The following SLC4A4 variants were observed in gnomAD, a reference collection of about 807,000 sequenced individuals.
SLC4A4 encodes the protein electrogenic sodium bicarbonate cotransporter 1.
In SLC4A4, 27 loss-of-function variants were observed where a neutral mutation model predicts 111.5. That is an observed-to-expected ratio of 0.24 (90% CI 0.18 to 0.33). The LOEUF (loss-of-function observed/expected upper bound fraction) is 0.33, where lower values mean the gene tolerates loss of function less well. Ranked by LOEUF, SLC4A4 falls within the 10% of genes least tolerant of loss-of-function variation. SLC4A4 has a pLI of 1.00. For missense variants in SLC4A4, 909 were observed against 1,315.5 expected (o/e 0.69, Z 4.78); for synonymous variants, 443 against 463.4 (o/e 0.96, Z 0.57).
chr4:71,252,192 GAT>G (rs906370474), intron 2 of SLC4A4, among the ~76,000 whole-genome samples: 17 of 152,312 alleles, frequency 1.1e-4, no homozygotes, highest in African/African-American at 4.1e-4. Flanking sequence ...CATGATGACA[GAT>G]ATTCTGTGGG....
chr4:71,466,667 G>C (rs1727342229), intron 13 of SLC4A4, 90 bp downstream of exon 13: 36 of 1,331,538 alleles, frequency 2.7e-5, no homozygotes, highest in Non-Finnish European at 2.1e-6. Context: ...TGATTAGGCA[G>C]ATCCAAGAAT....
intron 8 of SLC4A4, among the ~76,000 whole-genome samples, chr4:71,444,257 G>A (rs1018867509): frequency 9.9e-5 from 15 of 152,042 alleles, no homozygotes; most frequent in Middle Eastern, 3.2e-3. Context: ...CGTTGGTTCC[G>A]GACACAGATT....
In SLC4A4 at chr4:71,398,300, A is replaced by AAT. The variant is rs576741144; in HGVS notation, c.807+648_807+649insTA. 4.6e-5 allele frequency among the ~76,000 whole-genome samples: 7 copies of AAT among 152,084 alleles called. No homozygotes were observed. The South Asian group carries it at 1.5e-3, about 32-fold the overall frequency. ...ACTTTGTCTCAAAAAAAAAAAAAAA[A>AAT]AAGAAATGCTAAGAAATGCTGAAAT... On this transcript the variant is annotated intron_variant, in intron 7 of 25. Coordinates refer to ENST00000264485, the MANE Select transcript of SLC4A4 (RefSeq NM_001098484.3).
intron 7 of SLC4A4, among the ~76,000 whole-genome samples, chr4:71,398,046 G>C (rs1403171454): frequency 6.6e-6 from 1 of 152,106 alleles, no homozygotes; most frequent in Non-Finnish European, 1.5e-5. Flanking sequence ...AGCACTTTGG[G>C]AGGCTGAGGT....
intron 14 of SLC4A4, among the ~76,000 whole-genome samples, chr4:71,484,236 G>T (rs1729160113): frequency 6.6e-6 from 1 of 151,826 alleles, no homozygotes; most frequent in Non-Finnish European, 1.5e-5. Context: ...TCTTTGTCAT[G>T]AAATCTTTTC....
chr4:71,439,248 G>A (rs920892624), intron 7 of SLC4A4, among the ~76,000 whole-genome samples: 1 of 151,110 alleles, frequency 6.6e-6, no homozygotes, highest in African/African-American at 2.4e-5. Flanking sequence ...CCAATATGGT[G>A]AAACTCTCTC....
chr4:71,452,535 C>T (rs913825529), intron 11 of SLC4A4, among the ~76,000 whole-genome samples: 28 of 152,076 alleles, frequency 1.8e-4, no homozygotes, highest in Non-Finnish European at 3.2e-4. Flanking sequence ...GATAGATGGA[C>T]GATCCTAATA....
chr4:71,535,837 A>C (rs1560596978), intron 18 of SLC4A4, among the ~76,000 whole-genome samples: 2 of 138,978 alleles, frequency 1.4e-5, no homozygotes, highest in African/African-American at 2.7e-5. Context: ...CTCCCATCTA[A>C]CATGGAGAGT....
chr4:71,125,749 A>T (rs1440188320), intron 2 of SLC4A4, among the ~76,000 whole-genome samples: 1 of 152,236 alleles, frequency 6.6e-6, no homozygotes, highest in East Asian at 1.9e-4. Context: ...TAAACTAAAC[A>T]CATGAAAAGG....
At chr4:71,332,771 A>C (rs1168149720) in intron 3 of SLC4A4, among the ~76,000 whole-genome samples, 1 of 152,106 alleles carries the variant, frequency 6.6e-6, no homozygotes, top group African/African-American at 2.4e-5. Context: ...GAGCTCACTA[A>C]TTCTTCTGCT....
intron 6 of SLC4A4, among the ~76,000 whole-genome samples, chr4:71,386,896 A>C (rs1718784863): frequency 6.6e-6 from 1 of 152,190 alleles, no homozygotes; most frequent in Admixed American, 6.5e-5. Context: ...ATTTGCTTTA[A>C]TGTAAGCAGG....
intron 6 of SLC4A4, among the ~76,000 whole-genome samples, chr4:71,359,741 T>G (rs184914816): frequency 1.1e-3 from 165 of 152,312 alleles, no homozygotes; most frequent in Non-Finnish European, 1.9e-3. Flanking sequence ...GGTAGAATTA[T>G]TCCTACAGTT....
intron 3 of SLC4A4, among the ~76,000 whole-genome samples, chr4:71,314,467 C>T (rs531127599): frequency 3.9e-5 from 6 of 152,218 alleles, no homozygotes; most frequent in South Asian, 4.1e-4. Flanking sequence ...CACATGCACA[C>T]GTATGTTTAT....
At chr4:71,097,022 TTTTG>T (rs991578032) in intron 2 of SLC4A4, among the ~76,000 whole-genome samples, 1 of 152,202 alleles carries the variant, frequency 6.6e-6, no homozygotes, top group East Asian at 1.9e-4. Context: ...ATCTTAACCT[TTTTG>T]TTTGTTTGTT....
At chr4:71,343,130 A>G (rs1482831177) in intron 4 of SLC4A4, among the ~76,000 whole-genome samples, 1 of 152,208 alleles carries the variant, frequency 6.6e-6, no homozygotes, top group African/African-American at 2.4e-5. Flanking sequence ...GATTCATAAT[A>G]GGCTCTTAAT....
At chr4:71,240,195 TA>T (rs1374846878) in intron 2 of SLC4A4, among the ~76,000 whole-genome samples, 4 of 152,274 alleles carry the variant, frequency 2.6e-5, no homozygotes, top group African/African-American at 9.6e-5. Flanking sequence ...GTTTTATTCC[TA>T]AAAAAGCCAG....
chr4:71,236,996 A>ATAT (rs1228905839), intron 2 of SLC4A4, among the ~76,000 whole-genome samples: 3 of 152,250 alleles, frequency 2.0e-5, no homozygotes, highest in African/African-American at 7.2e-5. Context: ...TTATATAAAT[A>ATAT]TATTCAGCAG....
intron 1 of SLC4A4, among the ~76,000 whole-genome samples, chr4:71,069,922 G>A (rs1036343739): frequency 6.6e-6 from 1 of 152,062 alleles, no homozygotes. Context: ...CTTTCCAAAT[G>A]TCTCAATGCA....
intron 14 of SLC4A4, chr4:71,473,307 T>A: frequency 1.7e-6 from 1 of 581,758 alleles, no homozygotes; most frequent in African/African-American, 1.9e-5. Context: ...CAGATATAAA[T>A]ATGTGACAAA....
Sources: allele counts gnomAD v4.1 joint callset (sites outside exome capture counted in the v4.1 genomes callset), GRCh38; gene constraint gnomAD v4.1.1; transcripts MANE v1.5; gene names NCBI Gene and HGNC (gene_info 2026-07-23, HGNC 2026-07-21).